MDN1: variants seen among roughly 807,000 people sequenced by gnomAD.
MDN1 encodes the protein midasin.
MDN1 carries 266 observed loss-of-function variants against 669.2 expected under a neutral mutation model. The ratio of observed to expected loss-of-function variants is 0.40; its 90% CI spans 0.36 to 0.44. The LOEUF is 0.44. Ranked by LOEUF, MDN1 falls within the 20% of genes least tolerant of loss-of-function variation. The pLI is 1.00. For missense variants in MDN1, 5,940 were observed against 6,754.0 expected, an observed-to-expected ratio of 0.88 and a Z score of 4.22; for synonymous variants, 2,385 against 2,457.1, an observed-to-expected ratio of 0.97 and a Z score of 0.87.
Position 89,658,209 on chromosome 6 carries a change from C to T in MDN1, c.15183G>A (p.Glu5061=). ...CGGCTGCAGTGAAACCACTGATCACCTCTTTCCCCTGCTCCTTCTCAGGTG... is the reference window on the plus strand; with the variant it reads ...CGGCTGCAGTGAAACCACTGATCACTTCTTTCCCCTGCTCCTTCTCAGGTG... The part of the protein sequence containing the change: ...GAAPEKEQGK[E]EHGSGAADAN... The change falls in exon 90 of 102, where the codon GAG becomes GAA. Residue 5061 remains glutamate (E), a splice_region_variant and synonymous_variant. Coordinates refer to ENST00000369393, the MANE Select transcript of MDN1 (RefSeq NM_014611.3). 6.2e-7 allele frequency: 1 copy of T among 1,614,074 alleles called. No homozygotes were observed. Among genetic ancestry groups the T allele is most frequent in the Non-Finnish European group, 8.5e-7 (1 of 1,180,016 alleles).
chr6:89,758,688 A>G (rs978903894), intron 18 of MDN1, 128 bp downstream of exon 18: 5 of 995,174 alleles, frequency 5.0e-6, no homozygotes, highest in African/African-American at 1.6e-5. Context: ...GAAAATTAAT[A>G]TCTAAAGAAT....
intron 34 of MDN1, 114 bp from the exon 35 acceptor site, chr6:89,731,037 G>T: frequency 1.2e-6 from 1 of 804,160 alleles, no homozygotes. Flanking sequence ...CAAAACTGCA[G>T]CCTAAATGTG....
chr6:89,726,272 C>T (rs1404795010), intron 37 of MDN1, among the ~76,000 whole-genome samples: 1 of 151,820 alleles, frequency 6.6e-6, no homozygotes, highest in African/African-American at 2.4e-5. Flanking sequence ...ACCAGGCGGG[C>T]CAACATAGCG....
At position 89,747,480 on chromosome 6, in the gene MDN1, T is replaced by A. The variant is rs1266629297; in HGVS notation, c.3763-10A>T. ...AACTTCTGCGATAGGACTGTTGAAG[T>A]ATCAAAACAAATGAAAAGGGGCATC... On this transcript the variant is annotated splice_polypyrimidine_tract_variant and intron_variant, in intron 26 of 101. Coordinates refer to ENST00000369393, the MANE Select transcript of MDN1 (RefSeq NM_014611.3). 2.5e-6 allele frequency: 4 copies of A among 1,608,886 alleles called. No homozygotes were observed. Among genetic ancestry groups the A allele is most frequent in the Non-Finnish European group, 3.4e-6 (4 of 1,178,682 alleles).
Position 89,762,516 on chromosome 6 carries a change from T to C in MDN1, c.2159A>G (p.Asp720Gly). 6.2e-7 allele frequency: 1 copy of C among 1,612,278 alleles called. No individual in the cohort carries two copies. The highest frequency in any genetic ancestry group is 8.5e-7 in the Non-Finnish European group (1 of 1,178,734). Residue 720 changes from aspartate to glycine, a missense_variant, in exon 16 of 102, where the codon GAC becomes GGC. Coordinates refer to ENST00000369393, the MANE Select transcript of MDN1 (RefSeq NM_014611.3). Reference protein sequence around the residue: ...ADLLGGYKPVDHKLIWLPLRE... With the variant: ...ADLLGGYKPVGHKLIWLPLRE... ...TAAGGGTAGCCAAATAAGCTTATGG[T>C]CCACCGGTTTATAACTGAAACAGAC...
intron 80 of MDN1, 56 bp from the exon 81 acceptor site, chr6:89,672,758 C>T (rs1810903656): frequency 6.4e-7 from 1 of 1,557,016 alleles, no homozygotes. Context: ...CAATCATTTG[C>T]TTTAGTGCCT....
In MDN1 at chr6:89,772,627, C is replaced by A. The variant is rs1818149905; in HGVS notation, c.2029G>T (p.Gly677Ter). Residue 677 changes from glycine to a stop codon, truncating the protein, a stop_gained, in exon 14 of 102, where the codon GGA becomes TGA. Transcript: ENST00000369393. LOFTEE classifies it high-confidence loss of function. Reference sequence around the variant, plus strand: ...GAGGTTTTGCCAGTCCCGGTCTCTCCCACCAGCAACACAGGCTCCCCTTTG... The same window carrying A: ...GAGGTTTTGCCAGTCCCGGTCTCTCACACCAGCAACACAGGCTCCCCTTTG... ...VSKGEPVLLVGETGTGKTSTI... is the reference protein window; with the variant it reads ...VSKGEPVLLV 3.1e-6 allele frequency: 5 copies of A among 1,614,118 alleles called. No homozygotes were observed. The highest frequency in any genetic ancestry group is 4.2e-6 in the Non-Finnish European group (5 of 1,180,010).
chr6:89,705,925 A>C (rs1813483762), intron 53 of MDN1, 134 bp downstream of exon 53: 5 of 756,484 alleles, frequency 6.6e-6, no homozygotes, highest in Non-Finnish European at 1.0e-5. Flanking sequence ...GGTATATTTA[A>C]AACTGTTAAG....
intron 29 of MDN1, among the ~76,000 whole-genome samples, chr6:89,744,032 G>A (rs533193178): frequency 6.6e-6 from 1 of 151,264 alleles, no homozygotes; most frequent in African/African-American, 2.4e-5. Flanking sequence ...GAACCTGGGA[G>A]GCGGAGGTTG....
At chr6:89,776,548 CA>C in intron 12 of MDN1, 51 bp downstream of exon 12, 1 of 1,415,500 alleles carries the variant, frequency 7.1e-7, no homozygotes, top group Non-Finnish European at 9.8e-7. Context: ...AGCAAGCAAG[CA>C]AAAAATCCTA....
chr6:89,809,006 C>A (rs559378722), intron 1 of MDN1, among the ~76,000 whole-genome samples: 22 of 152,012 alleles, frequency 1.4e-4, no homozygotes, highest in Admixed American at 3.3e-4. Flanking sequence ...CACCTAAGCT[C>A]AGGAGTTTGA....
intron 1 of MDN1, among the ~76,000 whole-genome samples, chr6:89,818,243 C>T (rs1313990790): frequency 2.1e-5 from 3 of 143,992 alleles, no homozygotes; most frequent in Non-Finnish European, 4.5e-5. Flanking sequence ...CGCTTGAACT[C>T]GAGAGGCGGA....
At chr6:89,770,228 A>C (rs1818013724) in intron 15 of MDN1, among the ~76,000 whole-genome samples, 1 of 151,892 alleles carries the variant, frequency 6.6e-6, no homozygotes, top group Non-Finnish European at 1.5e-5. Flanking sequence ...ACATGGTAAA[A>C]CCCTGTTTCT....
At chr6:89,683,461 A>G (rs1811783898) in intron 72 of MDN1, 131 bp from the exon 73 acceptor site, 1 of 707,968 alleles carries the variant, frequency 1.4e-6, no homozygotes, top group Non-Finnish European at 2.3e-6. Flanking sequence ...TGCTCTCCTT[A>G]AATATTAATA....
At chr6:89,747,662 C>T (rs972951553) in intron 26 of MDN1, among the ~76,000 whole-genome samples, 192 bp from the exon 27 acceptor site, 4 of 151,642 alleles carry the variant, frequency 2.6e-5, no homozygotes, top group South Asian at 2.1e-4. Flanking sequence ...AAGGCCAAGG[C>T]GGGCGGATCA....
At chr6:89,796,106 C>T (rs1228680907) in intron 2 of MDN1, among the ~76,000 whole-genome samples, 1 of 151,866 alleles carries the variant, frequency 6.6e-6, no homozygotes, top group Non-Finnish European at 1.5e-5. Context: ...AGGCAGATCA[C>T]TTTAGGTAAG....
intron 5 of MDN1, among the ~76,000 whole-genome samples, chr6:89,792,516 A>G (rs1173143590): frequency 1.3e-5 from 2 of 152,080 alleles, no homozygotes; most frequent in African/African-American, 2.4e-5. Flanking sequence ...GTGGGGGGTA[A>G]AGAGGGAGGA....
chr6:89,796,350 AC>A (rs1229095638), intron 2 of MDN1, among the ~76,000 whole-genome samples: 263 of 144,944 alleles, frequency 1.8e-3, no homozygotes, highest in African/African-American at 4.4e-3. Context: ...AAAAAAAAAA[AC>A]AAAAAAAAAA....
chr6:89,765,184 G>T (rs1035654345), intron 15 of MDN1, among the ~76,000 whole-genome samples: 6 of 152,160 alleles, frequency 3.9e-5, no homozygotes, highest in Non-Finnish European at 1.5e-5. Context: ...CGTGAACCCG[G>T]GAACAGAGGT....
Sources: allele counts gnomAD v4.1 joint callset (sites outside exome capture counted in the v4.1 genomes callset), GRCh38; gene constraint gnomAD v4.1.1; transcripts MANE v1.5; gene names NCBI Gene and HGNC (gene_info 2026-07-23, HGNC 2026-07-21).